The following SARS2 variants were observed in gnomAD, a reference collection of about 807,000 sequenced individuals.
The protein encoded by SARS2 is seryl-tRNA synthetase 2, mitochondrial, also known as serine--tRNA ligase, mitochondrial.
In SARS2, 52 loss-of-function variants were observed where a neutral mutation model predicts 66.8. That is an observed-to-expected ratio of 0.78 (90% CI 0.62 to 0.98). The LOEUF (loss-of-function observed/expected upper bound fraction) is 0.98. Ranked by LOEUF, SARS2 falls within the 50% of genes least tolerant of loss-of-function variation. The pLI is 0.00. For synonymous variants in SARS2, 306 were observed against 281.4 expected, an observed-to-expected ratio of 1.09 and a Z score of -0.87; for missense variants, 673 against 706.3, an observed-to-expected ratio of 0.95 and a Z score of 0.53.
intron 12 of SARS2, 129 bp downstream of exon 12, chr19:38,917,595 C>G (rs1974439457): frequency 1.4e-6 from 1 of 728,400 alleles, no homozygotes; most frequent in Non-Finnish European, 2.5e-6. Context: ...TCCTGTAATC[C>G]TTGTACAGGA....
intron 12 of SARS2, among the ~76,000 whole-genome samples, chr19:38,917,518 G>A (rs1482364673): frequency 2.0e-5 from 3 of 152,216 alleles, no homozygotes; most frequent in African/African-American, 7.2e-5. Context: ...TGCACTGTTC[G>A]TGCTTCTGTT....
At chr19:38,921,050 T>C (rs57032157) in intron 5 of SARS2, among the ~76,000 whole-genome samples, 1 of 131,054 alleles carries the variant, frequency 7.6e-6, no homozygotes, top group Non-Finnish European at 1.5e-5. Context: ...GATACACAGA[T>C]ACAGACACAC....
intron 2 of SARS2, among the ~76,000 whole-genome samples, chr19:38,924,817 C>T (rs377059487): frequency 9.2e-5 from 14 of 152,224 alleles, no homozygotes; most frequent in African/African-American, 3.1e-4. Flanking sequence ...CATTTAGGCC[C>T]GTTTTAATCT....
At chr19:38,929,195 T>C (rs1275666655) in intron 1 of SARS2, among the ~76,000 whole-genome samples, 5 of 150,612 alleles carry the variant, frequency 3.3e-5, no homozygotes, top group African/African-American at 9.8e-5. Flanking sequence ...CAAAACTCCA[T>C]CTCAAAAAAA....
chr19:38,924,163 A>C lies in SARS2; in HGVS notation c.364-1896T>G, dbSNP rs551059978. On this transcript the variant is annotated intron_variant, in intron 2 of 15. Transcript: ENST00000221431. ...AAAAAAGAAGAAAATGGACTAATAT[A>C]CCCTGTCTGTAGATTCGAAAATGGA... Among the ~76,000 whole-genome samples the C allele has an allele frequency of 3.3e-5, 5 of 151,924 alleles. No homozygotes were observed. The East Asian group carries it at 9.7e-4, about 29-fold the overall frequency.
At chr19:38,916,177 G>A (rs1974412487) in intron 13 of SARS2, 44 bp downstream of exon 13, 9 of 1,612,824 alleles carry the variant, frequency 5.6e-6, no homozygotes, top group Non-Finnish European at 7.6e-6. Context: ...TGGGGGGCAG[G>A]CCTGTCCTCC....
rs1266993204 is a variant in SARS2 at position 38,930,537 on chromosome 19, G to A, written c.200C>T (p.Pro67Leu). The change falls in exon 1 of 16, where the codon CCA becomes CTA. Residue 67 changes from proline (P) to leucine (L), a missense_variant. Coordinates refer to ENST00000221431, the MANE Select transcript of SARS2 (RefSeq NM_017827.4). ...CTCCAGGGCGTGTGCGGCCTCTTCT[G>A]GGCATGCGCAGAACCGCTCTATGTC... is the stretch of plus-strand genomic sequence containing the variant. ...QLDIERFCAC[P>L]EEAAHALELR... 2 of 1,613,524 alleles carry A rather than the reference G, an allele frequency of 1.2e-6. No homozygotes were observed. Among genetic ancestry groups the A allele is most frequent in the Non-Finnish European group, 8.5e-7 (1 of 1,179,998 alleles).
chr19:38,925,511 G>A (rs1014982267), intron 2 of SARS2, among the ~76,000 whole-genome samples: 1 of 152,114 alleles, frequency 6.6e-6, no homozygotes, highest in African/African-American at 2.4e-5. Context: ...GGGCCCAGGG[G>A]ACACGAGGGG....
At chr19:38,930,309 C>G (rs996319471) in intron 1 of SARS2, among the ~76,000 whole-genome samples, 161 bp downstream of exon 1, 4 of 152,246 alleles carry the variant, frequency 2.6e-5, no homozygotes, top group African/African-American at 9.6e-5. Context: ...ACTCACTGGA[C>G]AACTGGCACA....
At chr19:38,922,088 G>T (rs374176430) in intron 3 of SARS2, 150 bp downstream of exon 3, 1 of 1,599,170 alleles carries the variant, frequency 6.3e-7, no homozygotes, top group African/African-American at 1.3e-5. Flanking sequence ...CCTGAAGCCA[G>T]TTTTAGTTTC....
chr19:38,922,833 G>C (rs1045718498), intron 2 of SARS2, among the ~76,000 whole-genome samples: 4 of 152,042 alleles, frequency 2.6e-5, no homozygotes, highest in Non-Finnish European at 5.9e-5. Flanking sequence ...TAAGTTTCCT[G>C]AGGCCTCCCA....
At position 38,917,589 on chromosome 19, in the gene SARS2, G is replaced by A. The variant is rs1214952603; in HGVS notation, c.1160+135C>T. 6.8e-6 allele frequency: 5 copies of A among 734,804 alleles called. No individual in the cohort carries two copies. In the East Asian group the frequency reaches 1.3e-4, roughly 20 times the overall value. The allele number at this position is 734,804 out of a possible 1,614,324, so 45.5% of individuals were successfully genotyped here. A position where few individuals can be genotyped will look rare whatever the true frequency, so the allele number is the denominator to read the frequency against. On this transcript the variant is annotated intron_variant, in intron 12 of 15. Transcript: ENST00000221431. ...AGATTGGGATCCTGTATATGCTCCT[G>A]TAATCCTTGTACAGGAAAATGGGGG...
rs1399849317 is a variant in SARS2, at chr19:38,916,230, G to A, written c.1245C>T (p.Arg415=). 3.6e-5 allele frequency: 58 copies of A among 1,614,052 alleles called. No individual in the cohort carries two copies. Among genetic ancestry groups the A allele is most frequent in the Non-Finnish European group, 4.7e-5 (55 of 1,179,924 alleles). The part of the protein sequence containing the change: ...DIEAWMPGRG[R]FGEVTSASNC... ...GCGGCACAGGGCTCACCTCTCCAAA[G>A]CGGCCTCGGCCTGGCATCCAGGCCT... Residue 415 remains arginine (R), a synonymous_variant, in exon 13 of 16, where the codon CGC becomes CGT. Transcript: ENST00000221431.
chr19:38,915,559 A>G lies in SARS2; in HGVS notation c.*47T>C. 6.2e-7 allele frequency: 1 copy of G among 1,603,786 alleles called. No homozygotes were observed. Among genetic ancestry groups the G allele is most frequent in the Non-Finnish European group, 8.5e-7 (1 of 1,177,742 alleles). ...GGTCCCAGGTGTCCGGGGTCTCCTG[A>G]ACTCCAGGAAGCAGTGACACCCCCG... On this transcript the variant is annotated 3_prime_UTR_variant, in exon 16 of 16. Transcript: ENST00000221431.
chr19:38,927,009 T>C (rs955686985), intron 1 of SARS2, among the ~76,000 whole-genome samples: 1 of 149,314 alleles, frequency 6.7e-6, no homozygotes, highest in Non-Finnish European at 1.5e-5. Context: ...TGATCTTGGC[T>C]CATTACAACC....
At position 38,930,539 on chromosome 19, in the gene SARS2, G is replaced by A. The variant is rs1349570212; in HGVS notation, c.198C>T (p.Cys66=). The A allele has an allele frequency of 6.2e-7, 1 of 1,613,448 alleles. No individual in the cohort carries two copies. The highest frequency in any genetic ancestry group is 1.3e-5 in the African/African-American group (1 of 74,942). Residue 66 remains cysteine (C), a synonymous_variant, in exon 1 of 16, where the codon TGC becomes TGT. Coordinates refer to ENST00000221431, the MANE Select transcript of SARS2 (RefSeq NM_017827.4). The stretch of plus-strand genomic sequence containing the variant: ...CCAGGGCGTGTGCGGCCTCTTCTGG[G>A]CATGCGCAGAACCGCTCTATGTCCA... ...PQLDIERFCA[C]PEEAAHALEL...
Position 38,930,758 on chromosome 19 carries a change from C to A in SARS2, c.-22G>T, listed in dbSNP as rs769804575. 3.7e-6 allele frequency: 6 copies of A among 1,609,712 alleles called. No homozygotes were observed. The highest frequency in any genetic ancestry group is 1.7e-5 in the Admixed American group (1 of 59,998). On this transcript the variant is annotated 5_prime_UTR_variant, in exon 1 of 16. Transcript: ENST00000221431. ...CCATCTTGGACCGGGAACAAGGCGG[C>A]ACTTCGTCCCGCCCACTCCGCGTTT...
At chr19:38,919,919 G>A in intron 6 of SARS2, 52 bp from the exon 7 acceptor site, 23 of 1,542,960 alleles carry the variant, frequency 1.5e-5, no homozygotes, top group East Asian at 2.3e-5. Context: ...GGCAGGGAAT[G>A]TGGGGATGAA....
At chr19:38,921,762 A>G in intron 3 of SARS2, 95 bp from the exon 4 acceptor site, 1 of 1,526,416 alleles carries the variant, frequency 6.6e-7, no homozygotes, top group Admixed American at 1.9e-5. Flanking sequence ...CCTGTGGTGG[A>G]CATTCATGCC....
Sources: allele counts gnomAD v4.1 joint callset (sites outside exome capture counted in the v4.1 genomes callset), GRCh38; gene constraint gnomAD v4.1.1; transcripts MANE v1.5; gene names NCBI Gene and HGNC (gene_info 2026-07-23, HGNC 2026-07-21).